FAM20C: variants seen among roughly 807,000 people sequenced by gnomAD.
FAM20C encodes the protein FAM20C golgi associated secretory pathway kinase.
A neutral mutation model predicts 51.5 loss-of-function variants in FAM20C; 40 were observed. The observed-to-expected ratio is 0.78, with a 90% confidence interval of 0.60 to 1.01. FAM20C has a LOEUF of 1.01. Among genes scored for constraint, FAM20C ranks in the 50% least tolerant of loss-of-function variants. FAM20C has a pLI of 0.00. For missense variants in FAM20C, 861 were observed against 844.7 expected, an observed-to-expected ratio of 1.02 and a Z score of -0.24; for synonymous variants, 406 against 380.6, an observed-to-expected ratio of 1.07 and a Z score of -0.78.
rs566482582 is a variant in FAM20C, at chr7:196,279, G to T, written c.784+547G>T. Among the ~76,000 whole-genome samples the T allele has an allele frequency of 1.3e-4, 18 of 136,448 alleles. No homozygotes were observed. The South Asian group carries it at 3.8e-3, about 28-fold the overall frequency. The allele number at this position is 136,448 out of a possible 152,430, so 89.5% of individuals were successfully genotyped here. A position where few individuals can be genotyped will look rare whatever the true frequency, so the allele number is the denominator to read the frequency against. Reference sequence around the variant, plus strand: ...CGGAGGCCTGGGCCTCCCAGATGGAGGAGTTTGAAGGCAACATCTCCAGGT... The same window carrying T: ...CGGAGGCCTGGGCCTCCCAGATGGATGAGTTTGAAGGCAACATCTCCAGGT... On this transcript the variant is annotated intron_variant, in intron 2 of 9. Transcript: ENST00000313766.
rs73671766 is a variant in FAM20C, at chr7:198,437, A to C, written c.784+2705A>C. On this transcript the variant is annotated intron_variant, in intron 2 of 9. Coordinates refer to ENST00000313766, the MANE Select transcript of FAM20C (RefSeq NM_020223.4). ...GAATGCCAAGCAAAACCCATTCACT[A>C]GCGAAAACTGACTCAGGCTGAACGT... Among the ~76,000 whole-genome samples the C allele has an allele frequency of 9.3e-3, 1,421 of 152,292 alleles. 24 individuals are homozygous for C. Among genetic ancestry groups the C allele is most frequent in the African/African-American group, 0.033 (1,355 of 41,554 alleles).
Position 193,724 on chromosome 7 carries a change from G to A in FAM20C, c.525G>A (p.Pro175=). Reference sequence around the variant, plus strand: ...ACCCGCTTTACCGGGTGGCGGTTCCGCCGCTCACGGAGGAGGACGTCCTGT... The same window carrying A: ...ACCCGCTTTACCGGGTGGCGGTTCCACCGCTCACGGAGGAGGACGTCCTGT... ...FEHPLYRVAV[P]PLTEEDVLFN... is the part of the protein sequence containing the mutation. Residue 175 remains proline, a synonymous_variant, in exon 1 of 10, where the codon CCG becomes CCA. Transcript: ENST00000313766. 6.5e-7 allele frequency: 1 copy of A among 1,547,242 alleles called. No homozygotes were observed. The highest frequency in any genetic ancestry group is 8.7e-7 in the Non-Finnish European group (1 of 1,145,370).
intron 4 of FAM20C, among the ~76,000 whole-genome samples, chr7:246,713 G>C (rs541546760): frequency 2.7e-5 from 4 of 149,542 alleles, no homozygotes; most frequent in East Asian, 2.0e-4. Context: ...ATCAGGCAGC[G>C]CCGGTGCCTG....
rs1375288339 is a variant in FAM20C, at chr7:193,700, C to G, written c.501C>G (p.His167Gln). ...CCCTCCTGGCCAGGCTGTTCGAGCA[C>G]CCGCTTTACCGGGTGGCGGTTCCGC... ...DASLLARLFE[H>Q]PLYRVAVPPL... The change falls in exon 1 of 10, where the codon CAC becomes CAG. Residue 167 changes from histidine to glutamine, a missense_variant. Around this residue, in one of 3 missense-constraint regions of FAM20C, gnomAD observed 561 missense variants for 499.8 expected, o/e 1.12. Transcript: ENST00000313766. 2 of 1,546,298 alleles carry G rather than the reference C, an allele frequency of 1.3e-6. No homozygotes were observed. The highest frequency in any genetic ancestry group is 2.7e-5 in the African/African-American group (2 of 72,980).
At chr7:228,676 G>C (rs1787539176) in intron 3 of FAM20C, 1 of 456,130 alleles carries the variant, frequency 2.2e-6, no homozygotes, top group African/African-American at 2.0e-5. Flanking sequence ...GCCTGGAGCT[G>C]AGGTCCTTAG....
chr7:196,277 G>A (rs1223894090), intron 2 of FAM20C, among the ~76,000 whole-genome samples: 3 of 136,302 alleles, frequency 2.2e-5, no homozygotes, highest in Non-Finnish European at 5.2e-5. Flanking sequence ...CTCCCAGATG[G>A]AGGAGTTTGA....
At chr7:193,931 A>T in intron 1 of FAM20C, 127 bp downstream of exon 1, 1 of 1,347,628 alleles carries the variant, frequency 7.4e-7, no homozygotes, top group Non-Finnish European at 9.7e-7. Flanking sequence ...GTGGTGCGGG[A>T]GGAGGCAGCC....
At chr7:230,053 G>A (rs948329305) in intron 3 of FAM20C, among the ~76,000 whole-genome samples, 6 of 152,136 alleles carry the variant, frequency 3.9e-5, no homozygotes, top group African/African-American at 1.4e-4. Flanking sequence ...CGAGTATCTC[G>A]GGCCCCGGCC....
rs868328638 is a variant in FAM20C at position 206,676 on chromosome 7, G to A, written c.785-2222G>A. On this transcript the variant is annotated intron_variant, in intron 2 of 9. Transcript: ENST00000313766. ...GTGACGCGTCGGTCACTGTCCCCTC[G>A]GCCCCGCACACGTGCTCACTGTCCA... is the stretch of plus-strand genomic sequence containing the variant. Among the ~76,000 whole-genome samples the A allele has an allele frequency of 6.5e-4, 86 of 131,928 alleles. 1 individual carries two copies. The highest frequency in any genetic ancestry group is 2.4e-3 in the African/African-American group (80 of 32,984). 86.5% of individuals were successfully genotyped at this position (131,928 alleles called of 152,430 possible).
chr7:214,602 G>GT (rs1371240180), intron 3 of FAM20C, among the ~76,000 whole-genome samples: 6 of 152,188 alleles, frequency 3.9e-5, no homozygotes, highest in Non-Finnish European at 4.4e-5. Flanking sequence ...CACTGTTGCT[G>GT]TTTGACCTGA....
At chr7:226,047 T>C (rs1787431401) in intron 3 of FAM20C, among the ~76,000 whole-genome samples, 1 of 152,122 alleles carries the variant, frequency 6.6e-6, no homozygotes. Flanking sequence ...CTGAGTTCCA[T>C]GAGACCGGAT....
chr7:246,365 G>A, intron 3 of FAM20C, 50 bp from the exon 4 acceptor site: 1 of 1,477,764 alleles, frequency 6.8e-7, no homozygotes, highest in Non-Finnish European at 9.1e-7. Flanking sequence ...TCCGGCCCCT[G>A]GAGGCTTTCT....
chr7:255,457 A>G (rs953667795), intron 5 of FAM20C, among the ~76,000 whole-genome samples: 4 of 152,158 alleles, frequency 2.6e-5, no homozygotes, highest in African/African-American at 9.7e-5. Flanking sequence ...AGAGTTCTTC[A>G]TACACTCTAA....
At chr7:216,912 C>T (rs1009580479) in intron 3 of FAM20C, among the ~76,000 whole-genome samples, 3 of 152,118 alleles carry the variant, frequency 2.0e-5, no homozygotes, top group African/African-American at 7.2e-5. Flanking sequence ...TGGGGCCTGT[C>T]TCCGGGCAGC....
At chr7:217,421 G>T (rs1787047809) in intron 3 of FAM20C, among the ~76,000 whole-genome samples, 1 of 152,246 alleles carries the variant, frequency 6.6e-6, no homozygotes, top group African/African-American at 2.4e-5. Context: ...CTTTAGGGTA[G>T]AGCTGCATTT....
At chr7:225,685 G>A (rs1297804343) in intron 3 of FAM20C, among the ~76,000 whole-genome samples, 3 of 16,374 alleles carry the variant, frequency 1.8e-4, no homozygotes, top group African/African-American at 7.6e-4. Flanking sequence ...TCACGGGGTC[G>A]CACGGCGGCT....
chr7:235,148 C>T (rs1267102269), intron 3 of FAM20C, among the ~76,000 whole-genome samples: 1 of 151,670 alleles, frequency 6.6e-6, no homozygotes, highest in African/African-American at 2.4e-5. Flanking sequence ...ACTGTTTACA[C>T]TGAGCCCAGG....
intron 3 of FAM20C, among the ~76,000 whole-genome samples, chr7:222,044 G>C (rs1280133078): frequency 1.1e-5 from 1 of 92,246 alleles, no homozygotes; most frequent in African/African-American, 3.5e-5. Flanking sequence ...TGGGCACAGG[G>C]CGGAGCCTCG....
intron 3 of FAM20C, among the ~76,000 whole-genome samples, chr7:241,419 G>A (rs1055863152): frequency 2.6e-5 from 4 of 152,316 alleles, no homozygotes; most frequent in Middle Eastern, 3.4e-3. Flanking sequence ...GAGGAAATCA[G>A]ACTCCGCCTT....
Sources: gnomAD v4.1 joint callset for allele counts (sites outside exome capture counted in the v4.1 genomes callset) on GRCh38, gnomAD v4.1.1 for gene constraint, gnomAD v4.1.1 regional missense constraint, MANE v1.5 for transcripts, NCBI Gene and HGNC (gene_info 2026-07-23, HGNC 2026-07-21) for gene names.